MMP16: variants seen among roughly 807,000 people sequenced by gnomAD.
MMP16 encodes matrix metallopeptidase 16.
In MMP16, 12 loss-of-function variants were observed where a neutral mutation model predicts 67.8. The ratio of observed to expected loss-of-function variants is 0.18; its 90% CI spans 0.11 to 0.29. MMP16 has a LOEUF of 0.29. MMP16 is among the 10% of genes least tolerant of loss of function. The pLI, the probability that MMP16 is intolerant of heterozygous loss-of-function variation, is 1.00. For synonymous variants in MMP16, 249 were observed against 255.9 expected, an observed-to-expected ratio of 0.97 and a Z score of 0.26; for missense variants, 475 against 765.7, an observed-to-expected ratio of 0.62 and a Z score of 4.48.
chr8:88,106,604 T>C (rs958102333), intron 6 of MMP16, among the ~76,000 whole-genome samples: 1 of 151,270 alleles, frequency 6.6e-6, no homozygotes, highest in African/African-American at 2.4e-5. Context: ...ACAGTGCTAG[T>C]TCCCCACATT....
Position 88,116,667 on chromosome 8 carries a change from G to T in MMP16, c.923C>A (p.Pro308Gln). The T allele has an allele frequency of 1.9e-6, 3 of 1,613,770 alleles. No homozygotes were observed. The highest frequency in any genetic ancestry group is 2.2e-5 in the South Asian group (2 of 91,080). Residue 308 changes from proline to glutamine, a missense_variant, in exon 6 of 10, where the codon CCA becomes CAA. Physicochemically the swap from Pro to Gln is moderately conservative, Grantham distance 76. Coordinates refer to ENST00000286614, the MANE Select transcript of MMP16 (RefSeq NM_005941.5). ...GTCAGCCGGAGGAATAGAGCGGTGT[G>T]GGGGCACTGTCGGTAGAGGTCTTGT... The part of the protein sequence containing the change: ...PPTRPLPTVP[P>Q]HRSIPPADPR...
chr8:88,169,557 A>C (rs1010452801), intron 3 of MMP16, among the ~76,000 whole-genome samples: 1 of 152,210 alleles, frequency 6.6e-6, no homozygotes, highest in South Asian at 2.1e-4. Flanking sequence ...ATCTAAGATA[A>C]ATTTTTCACT....
chr8:88,224,992 T>C (rs981513765), intron 1 of MMP16, among the ~76,000 whole-genome samples: 2 of 152,006 alleles, frequency 1.3e-5, no homozygotes, highest in Non-Finnish European at 2.9e-5. Context: ...TCTTTTTTGC[T>C]GTTCCCTGAG....
At chr8:88,130,275 G>A (rs189408956) in intron 4 of MMP16, among the ~76,000 whole-genome samples, 72 of 151,840 alleles carry the variant, frequency 4.7e-4, no homozygotes, top group Non-Finnish European at 7.8e-4. Flanking sequence ...TAAAATAGAC[G>A]TGTACATGGC....
At chr8:88,193,769 A>G (rs1809207553) in intron 2 of MMP16, among the ~76,000 whole-genome samples, 1 of 152,012 alleles carries the variant, frequency 6.6e-6, no homozygotes, top group South Asian at 2.1e-4. Context: ...TATTTCACCA[A>G]GCACACTTGA....
chr8:88,262,042 T>A (rs1356390263), intron 1 of MMP16, among the ~76,000 whole-genome samples: 1 of 152,186 alleles, frequency 6.6e-6, no homozygotes, highest in African/African-American at 2.4e-5. Flanking sequence ...TAGTTCTACA[T>A]TCCAGTGCCT....
chr8:88,314,641 C>T (rs1288153541), intron 1 of MMP16, among the ~76,000 whole-genome samples: 2 of 152,182 alleles, frequency 1.3e-5, no homozygotes, highest in Non-Finnish European at 2.9e-5. Flanking sequence ...CTCCCCTTTG[C>T]CCTAAGAAGT....
chr8:88,227,209 A>G (rs984407134), intron 1 of MMP16, among the ~76,000 whole-genome samples: 2 of 152,104 alleles, frequency 1.3e-5, no homozygotes, highest in African/African-American at 2.4e-5. Context: ...TTGGGGGGAA[A>G]GGAAAATAAC....
intron 1 of MMP16, among the ~76,000 whole-genome samples, chr8:88,267,776 G>A (rs1810497417): frequency 6.6e-6 from 1 of 152,108 alleles, no homozygotes; most frequent in African/African-American, 2.4e-5. Context: ...TCTCATAATT[G>A]TTTATTAACA....
chr8:88,170,580 A>G (rs1808783636), intron 3 of MMP16, among the ~76,000 whole-genome samples: 2 of 152,204 alleles, frequency 1.3e-5, no homozygotes, highest in African/African-American at 4.8e-5. Context: ...CAGGTGCCAG[A>G]GATACAGCTG....
At chr8:88,301,841 G>A (rs984635863) in intron 1 of MMP16, among the ~76,000 whole-genome samples, 6 of 152,270 alleles carry the variant, frequency 3.9e-5, no homozygotes, top group East Asian at 1.9e-4. Context: ...CAGGAAATAC[G>A]TTAATGAATA....
At chr8:88,228,951 A>C (rs1472790168) in intron 1 of MMP16, among the ~76,000 whole-genome samples, 1 of 151,936 alleles carries the variant, frequency 6.6e-6, no homozygotes, top group East Asian at 1.9e-4. Context: ...ACTTGAGCCC[A>C]GGAGTTGAAG....
At chr8:88,173,896 A>G (rs1220506574) in intron 3 of MMP16, among the ~76,000 whole-genome samples, 1 of 152,164 alleles carries the variant, frequency 6.6e-6, no homozygotes, top group Non-Finnish European at 1.5e-5. Flanking sequence ...TACATATTAC[A>G]TTGGGTGTTG....
intron 1 of MMP16, among the ~76,000 whole-genome samples, chr8:88,303,882 A>G (rs1186831867): frequency 6.6e-6 from 1 of 152,236 alleles, no homozygotes; most frequent in African/African-American, 2.4e-5. Context: ...TGAAAACTCA[A>G]AAAGCCCAGA....
chr8:88,325,922 T>A (rs1248770906), intron 1 of MMP16, among the ~76,000 whole-genome samples: 1 of 152,214 alleles, frequency 6.6e-6, no homozygotes, highest in Non-Finnish European at 1.5e-5. Context: ...GCATTTATTA[T>A]GCACACTCTG....
rs767410219 is a variant in MMP16 at position 88,279,220 on chromosome 8, C to CAA, written c.132+47853_132+47854dup. Among the ~76,000 whole-genome samples the CAA allele has an allele frequency of 4.3e-3, 405 of 94,410 alleles. 4 individuals are homozygous for CAA. The highest frequency in any genetic ancestry group is 0.015 in the African/African-American group (382 of 25,292). The allele number at this position is 94,410 out of a possible 152,430, so 61.9% of individuals were successfully genotyped here. A position where few individuals can be genotyped will look rare whatever the true frequency, so the allele number is the denominator to read the frequency against. ...CTGGTGACACAGCAAGACTCTGTCTCAAAAAAAAAAAAAAAGAAGCAATGC... is the reference window on the plus strand; with the variant it reads ...CTGGTGACACAGCAAGACTCTGTCTCAAAAAAAAAAAAAAAAAGAAGCAATGC... On this transcript the variant is annotated intron_variant, in intron 1 of 9. Coordinates refer to ENST00000286614, the MANE Select transcript of MMP16 (RefSeq NM_005941.5).
intron 6 of MMP16, among the ~76,000 whole-genome samples, chr8:88,102,787 G>T (rs1367593564): frequency 6.6e-6 from 1 of 151,804 alleles, no homozygotes; most frequent in Non-Finnish European, 1.5e-5. Flanking sequence ...CAGGGTCCAA[G>T]ACCAAATATA....
rs114332865 is a variant in MMP16 at position 88,229,039 on chromosome 8, T to C, written c.133-31733A>G. ...TGTTGGGTGTGGTAGTACACACCTGTAGTACCAGCTACTCATGAGACAGAG... is the reference window on the plus strand; with the variant it reads ...TGTTGGGTGTGGTAGTACACACCTGCAGTACCAGCTACTCATGAGACAGAG... On this transcript the variant is annotated intron_variant, in intron 1 of 9. Coordinates refer to ENST00000286614, the MANE Select transcript of MMP16 (RefSeq NM_005941.5). Among the ~76,000 whole-genome samples, 540 of 151,790 alleles carry C rather than the reference T, an allele frequency of 3.6e-3. 5 individuals carry two copies. Among genetic ancestry groups the C allele is most frequent in the African/African-American group, 0.012 (515 of 41,418 alleles).
chr8:88,255,044 G>A (rs1208657179), intron 1 of MMP16, among the ~76,000 whole-genome samples: 2 of 152,012 alleles, frequency 1.3e-5, no homozygotes, highest in Admixed American at 6.6e-5. Context: ...TCATACACAC[G>A]GTGATTTGGC....
Sources: gnomAD v4.1 joint callset for allele counts (sites outside exome capture counted in the v4.1 genomes callset) on GRCh38, gnomAD v4.1.1 for gene constraint, MANE v1.5 for transcripts, NCBI Gene and HGNC (gene_info 2026-07-23, HGNC 2026-07-21) for gene names.